PHACTR1: variants seen among roughly 807,000 people sequenced by gnomAD.
The protein encoded by PHACTR1 is RPEL repeat containing 1.
A neutral mutation model predicts 69.2 loss-of-function variants in PHACTR1; 16 were observed. The observed-to-expected ratio is 0.23, with a 90% CI of 0.16 to 0.35. The LOEUF (loss-of-function observed/expected upper bound fraction) is 0.35. PHACTR1 is among the 10% of genes least tolerant of loss of function. The pLI is 1.00. For missense variants in PHACTR1, 510 were observed against 734.7 expected (o/e 0.69, Z 3.54); for synonymous variants, 312 against 284.5 (o/e 1.10, Z -0.97).
At chr6:13,249,005 C>T (rs1773974469) in intron 10 of PHACTR1, among the ~76,000 whole-genome samples, 1 of 152,286 alleles carries the variant, frequency 6.6e-6, no homozygotes, top group Admixed American at 6.5e-5. Context: ...TTAGGTCTTC[C>T]GTCCTCCCTT....
At chr6:12,919,377 G>A (rs1007666828) in intron 4 of PHACTR1, among the ~76,000 whole-genome samples, 8 of 152,114 alleles carry the variant, frequency 5.3e-5, no homozygotes, top group Non-Finnish European at 1.0e-4. Context: ...TCCTGATCGC[G>A]TGATCTGCCT....
intron 4 of PHACTR1, among the ~76,000 whole-genome samples, chr6:12,795,569 G>A (rs1772877065): frequency 6.6e-6 from 1 of 152,138 alleles, no homozygotes; most frequent in African/African-American, 2.4e-5. Context: ...TGATTAATAG[G>A]TGCTACTGTT....
intron 5 of PHACTR1, among the ~76,000 whole-genome samples, chr6:13,082,368 G>C (rs527853433): frequency 1.3e-5 from 2 of 152,096 alleles, no homozygotes; most frequent in African/African-American, 4.8e-5. Flanking sequence ...TTTGTGCCTA[G>C]GTAAACCAGC....
At chr6:13,045,256 C>T (rs1276354934) in intron 4 of PHACTR1, among the ~76,000 whole-genome samples, 2 of 152,184 alleles carry the variant, frequency 1.3e-5, no homozygotes, top group Non-Finnish European at 2.9e-5. Context: ...ATAGCCCTCG[C>T]TCACAAGTTT....
intron 4 of PHACTR1, among the ~76,000 whole-genome samples, chr6:12,888,186 G>T (rs748835364): frequency 2.6e-5 from 4 of 151,782 alleles, no homozygotes; most frequent in Non-Finnish European, 5.9e-5. Flanking sequence ...CTGGAAGGAA[G>T]CAGCTGAGGC....
chr6:13,203,482 G>A (rs765126717), intron 7 of PHACTR1, among the ~76,000 whole-genome samples: 11 of 152,162 alleles, frequency 7.2e-5, no homozygotes, highest in Non-Finnish European at 1.2e-4. Flanking sequence ...TAGTAAGCAT[G>A]ATAGAAGTCT....
At chr6:13,106,666 T>TG (rs1816195268) in intron 5 of PHACTR1, among the ~76,000 whole-genome samples, 2 of 152,074 alleles carry the variant, frequency 1.3e-5, no homozygotes, top group African/African-American at 2.4e-5. Context: ...TTCTTAGAGA[T>TG]GGGGTCTCAC....
chr6:12,990,515 G>C (rs1236435728), intron 4 of PHACTR1, among the ~76,000 whole-genome samples: 3 of 152,276 alleles, frequency 2.0e-5, no homozygotes, highest in Admixed American at 2.0e-4. Flanking sequence ...GTGGGTGCCA[G>C]GGCCGGGCCA....
intron 12 of PHACTR1, among the ~76,000 whole-genome samples, chr6:13,281,929 C>G (rs1267919212): frequency 6.6e-6 from 1 of 152,234 alleles, no homozygotes; most frequent in African/African-American, 2.4e-5. Flanking sequence ...GGCGGCTGAG[C>G]CCCTGATCCC....
intron 10 of PHACTR1, among the ~76,000 whole-genome samples, chr6:13,248,142 G>T (rs761974326): frequency 8.5e-5 from 13 of 152,178 alleles, no homozygotes; most frequent in Non-Finnish European, 1.9e-4. Flanking sequence ...CGTTGTGGTG[G>T]TTCTCTGTCA....
At chr6:12,783,271 C>T (rs1332705661) in intron 4 of PHACTR1, among the ~76,000 whole-genome samples, 2 of 152,208 alleles carry the variant, frequency 1.3e-5, no homozygotes, top group African/African-American at 2.4e-5. Flanking sequence ...CAGGCACATA[C>T]TGTGTTTGCT....
chr6:12,805,358 C>A (rs527700549), intron 4 of PHACTR1, among the ~76,000 whole-genome samples: 52 of 152,306 alleles, frequency 3.4e-4, no homozygotes, highest in African/African-American at 1.2e-3. Context: ...CCCTATCTCA[C>A]TTTTCTAGAA....
chr6:12,758,561 C>CATT (rs1297343739), intron 4 of PHACTR1, among the ~76,000 whole-genome samples: 1 of 150,806 alleles, frequency 6.6e-6, no homozygotes, highest in East Asian at 1.9e-4. Flanking sequence ...AGATTGACAT[C>CATT]ATTATTATTA....
Position 13,008,651 on chromosome 6 carries a change from AAC to A in PHACTR1, c.251-44703_251-44702del, listed in dbSNP as rs140053231. ...AAAATACCCCCAAAACAACAACAAC[AAC>A]ACACACACACGCATAGCAGCAGCGC... On this transcript the variant is annotated intron_variant, in intron 4 of 14. Coordinates refer to ENST00000332995, the MANE Select transcript of PHACTR1 (RefSeq NM_030948.6). Among the ~76,000 whole-genome samples the A allele has an allele frequency of 1.1e-3, 168 of 152,260 alleles. 2 individuals carry two copies. The highest frequency in any genetic ancestry group is 3.7e-3 in the African/African-American group (154 of 41,560).
intron 3 of PHACTR1, among the ~76,000 whole-genome samples, chr6:12,741,820 C>T (rs1765087969): frequency 6.6e-6 from 1 of 151,528 alleles, no homozygotes; most frequent in African/African-American, 2.4e-5. Context: ...TACATTGAAC[C>T]CATAGGTCAA....
intron 4 of PHACTR1, among the ~76,000 whole-genome samples, chr6:13,051,122 C>A (rs1015104288): frequency 1.3e-5 from 2 of 152,108 alleles, no homozygotes; most frequent in African/African-American, 4.8e-5. Context: ...CCGACCCCCC[C>A]ATTCTACCCA....
At chr6:12,857,308 A>G (rs1314594137) in intron 4 of PHACTR1, among the ~76,000 whole-genome samples, 5 of 152,218 alleles carry the variant, frequency 3.3e-5, no homozygotes, top group Non-Finnish European at 7.3e-5. Context: ...TTGCATGCTC[A>G]TTAGAAAAAA....
intron 3 of PHACTR1, among the ~76,000 whole-genome samples, chr6:12,722,342 C>A (rs1762232153): frequency 6.6e-6 from 1 of 152,224 alleles, no homozygotes; most frequent in East Asian, 1.9e-4. Flanking sequence ...ATGACAGCCT[C>A]ATATCAATTT....
intron 4 of PHACTR1, among the ~76,000 whole-genome samples, chr6:12,989,827 T>C (rs1016967088): frequency 2.6e-5 from 4 of 152,162 alleles, no homozygotes; most frequent in Admixed American, 2.6e-4. Context: ...TCTATAGCAA[T>C]GGTGGTTTAA....
Sources: gnomAD v4.1 joint callset for allele counts (sites outside exome capture counted in the v4.1 genomes callset) on GRCh38, gnomAD v4.1.1 for gene constraint, MANE v1.5 for transcripts, NCBI Gene and HGNC (gene_info 2026-07-23, HGNC 2026-07-21) for gene names.